Variants in GRIA4 observed in about 807,000 individuals in gnomAD.
GRIA4 encodes the protein glutamate ionotropic receptor AMPA type subunit 4.
GRIA4 carries 34 observed loss-of-function variants against 104.0 expected under a neutral mutation model. The ratio of observed to expected loss-of-function variants is 0.33; its 90% CI spans 0.25 to 0.44. The LOEUF (loss-of-function observed/expected upper bound fraction) is 0.44, where lower values mean the gene tolerates loss of function less well. Ranked by LOEUF, GRIA4 falls within the 20% of genes least tolerant of loss-of-function variation. The probability of loss-of-function intolerance (pLI) is 1.00; values close to 1 mark genes in which losing one functional copy is unlikely to be tolerated. For missense variants in GRIA4, 750 were observed against 1,096.5 expected (o/e 0.68, Z 4.46); for synonymous variants, 386 against 381.9 (o/e 1.01, Z -0.13).
chr11:105,721,625 G>A lies in GRIA4; in HGVS notation c.248-31356G>A, dbSNP rs377607021. On this transcript the variant is annotated intron_variant, in intron 3 of 16. Coordinates refer to ENST00000282499, the MANE Select transcript of GRIA4 (RefSeq NM_000829.4). ...GATTCCTGCCAAAGATCCTGCCCTAGCAGGGTTTGCAACCAAACAGAACAG... is the reference window on the plus strand; with the variant it reads ...GATTCCTGCCAAAGATCCTGCCCTAACAGGGTTTGCAACCAAACAGAACAG... Among the ~76,000 whole-genome samples, 4 of 152,278 alleles carry A rather than the reference G, an allele frequency of 2.6e-5. No individual in the cohort carries two copies. The East Asian group carries it at 7.7e-4, about 29-fold the overall frequency.
At chr11:105,904,143 A>G (rs1188894290) in intron 8 of GRIA4, among the ~76,000 whole-genome samples, 162 bp downstream of exon 8, 1 of 152,246 alleles carries the variant, frequency 6.6e-6, no homozygotes, top group Admixed American at 6.5e-5. Flanking sequence ...AATACAAGGT[A>G]GAATCTTGCT....
Position 105,903,603 on chromosome 11 carries a change from T to G in GRIA4, c.886-211T>G, listed in dbSNP as rs73542893. On this transcript the variant is annotated intron_variant, in intron 7 of 16. Coordinates refer to ENST00000282499, the MANE Select transcript of GRIA4 (RefSeq NM_000829.4). ...TATTTTTCAGAATGGTTTTTCTCCTTTTTAAGTCAGGATGATAAGATTTGG... is the reference window on the plus strand; with the variant it reads ...TATTTTTCAGAATGGTTTTTCTCCTGTTTAAGTCAGGATGATAAGATTTGG... 3.3e-3 allele frequency among the ~76,000 whole-genome samples: 501 copies of G among 150,546 alleles called. 5 individuals carry two copies. The highest frequency in any genetic ancestry group is 0.012 in the African/African-American group (480 of 39,888).
rs149459753 is a variant in GRIA4 at position 105,803,774 on chromosome 11, G to A, written c.487+50554G>A. Reference sequence around the variant, plus strand: ...CCTCAAAAATGTAGGAAAGGTGGCCGAGTTCTCAAAGTAAGCTTCTGATAT... The same window carrying A: ...CCTCAAAAATGTAGGAAAGGTGGCCAAGTTCTCAAAGTAAGCTTCTGATAT... On this transcript the variant is annotated intron_variant, in intron 4 of 16. Coordinates refer to ENST00000282499, the MANE Select transcript of GRIA4 (RefSeq NM_000829.4). Among the ~76,000 whole-genome samples the A allele has an allele frequency of 1.9e-3, 278 of 149,870 alleles. 3 individuals carry two copies. Among genetic ancestry groups the A allele is most frequent in the African/African-American group, 6.4e-3 (261 of 40,644 alleles).
chr11:105,728,584 A>T (rs1938374122), intron 3 of GRIA4, among the ~76,000 whole-genome samples: 1 of 152,164 alleles, frequency 6.6e-6, no homozygotes, highest in African/African-American at 2.4e-5. Flanking sequence ...CTTATTCTAA[A>T]ATTGACCGTA....
At chr11:105,912,339 G>T in intron 10 of GRIA4, 1 of 975,238 alleles carries the variant, frequency 1.0e-6, no homozygotes, top group African/African-American at 1.8e-5. Flanking sequence ...GAAATAAAGT[G>T]TTTTAATGTG....
rs550823480 is a variant in GRIA4 at position 105,845,533 on chromosome 11, A to G, written c.488-16491A>G. Among the ~76,000 whole-genome samples the G allele has an allele frequency of 2.4e-4, 37 of 152,222 alleles. 1 individual carries two copies. The East Asian group carries it at 7.0e-3, about 29-fold the overall frequency. The stretch of plus-strand genomic sequence containing the variant: ...TGTTGTAACCATCTTAAAAAACACA[A>G]TCTGCCCCTAGATTTGCTAATCCTG... On this transcript the variant is annotated intron_variant, in intron 4 of 16. Transcript: ENST00000282499.
At chr11:105,753,282 T>C (rs937440937) in intron 4 of GRIA4, 62 bp downstream of exon 4, 4 of 1,497,512 alleles carry the variant, frequency 2.7e-6, no homozygotes, top group Middle Eastern at 3.5e-4. Context: ...AATGGCCTTA[T>C]ATGACTTCGG....
At chr11:105,677,386 T>G (rs1952572111) in intron 3 of GRIA4, among the ~76,000 whole-genome samples, 1 of 151,842 alleles carries the variant, frequency 6.6e-6, no homozygotes. Flanking sequence ...ATTATAATTT[T>G]CCTGAACTAG....
chr11:105,945,790 T>C (rs1213156592), intron 14 of GRIA4, among the ~76,000 whole-genome samples: 1 of 152,230 alleles, frequency 6.6e-6, no homozygotes, highest in African/African-American at 2.4e-5. Flanking sequence ...AAGGCTTAGA[T>C]ACTTGCATAG....
chr11:105,661,344 T>G (rs945222234), intron 3 of GRIA4, among the ~76,000 whole-genome samples: 2 of 151,638 alleles, frequency 1.3e-5, no homozygotes, highest in African/African-American at 4.8e-5. Context: ...TTGGTTTGTT[T>G]AATGAGGTAC....
chr11:105,814,992 G>A (rs1321833015), intron 4 of GRIA4, among the ~76,000 whole-genome samples: 1 of 152,150 alleles, frequency 6.6e-6, no homozygotes, highest in Non-Finnish European at 1.5e-5. Flanking sequence ...TGGCCAGTCA[G>A]GGTCTATCCA....
chr11:105,916,055 GCGCCTGTAATCCCAGCTA>G (rs140004335), intron 10 of GRIA4, among the ~76,000 whole-genome samples: 8,715 of 152,016 alleles, frequency 0.057, 338 homozygotes, highest in Non-Finnish European at 0.081. Flanking sequence ...GTGGTGGTGT[GCGCCTGTAATCCCAGCTA>G]CTTGGGAGGC....
In GRIA4 at chr11:105,753,478, C is replaced by G. The variant is rs575549932; in HGVS notation, c.487+258C>G. On this transcript the variant is annotated intron_variant, in intron 4 of 16. Coordinates refer to ENST00000282499, the MANE Select transcript of GRIA4 (RefSeq NM_000829.4). ...TAACTATGTGAATAAGAAAAACAAA[C>G]CAAAGTGCTTTTCCTGCTCTCACAC... Among the ~76,000 whole-genome samples, 6 of 152,248 alleles carry G rather than the reference C, an allele frequency of 3.9e-5. No individual in the cohort carries two copies. The South Asian group carries it at 8.3e-4, about 21-fold the overall frequency.
At chr11:105,732,629 T>C (rs1938672256) in intron 3 of GRIA4, among the ~76,000 whole-genome samples, 1 of 152,180 alleles carries the variant, frequency 6.6e-6, no homozygotes, top group African/African-American at 2.4e-5. Context: ...CTTCTATTGA[T>C]GAAGCTAGGA....
At chr11:105,872,917 T>C (rs549930459) in intron 5 of GRIA4, among the ~76,000 whole-genome samples, 1 of 152,186 alleles carries the variant, frequency 6.6e-6, no homozygotes, top group East Asian at 1.9e-4. Flanking sequence ...ATATCTTAGA[T>C]TGAACATGGT....
intron 4 of GRIA4, among the ~76,000 whole-genome samples, chr11:105,856,527 G>A (rs1237805161): frequency 2.6e-5 from 4 of 151,986 alleles, no homozygotes; most frequent in Admixed American, 1.3e-4. Context: ...CCACACAACC[G>A]TTCCACTTAT....
At chr11:105,935,741 G>A in intron 14 of GRIA4, among the ~76,000 whole-genome samples, 1 of 151,926 alleles carries the variant, frequency 6.6e-6, no homozygotes, top group East Asian at 1.9e-4. Flanking sequence ...CAAGCTTCAG[G>A]GACTGAATTT....
At chr11:105,884,063 G>A (rs1317713733) in intron 5 of GRIA4, among the ~76,000 whole-genome samples, 3 of 152,216 alleles carry the variant, frequency 2.0e-5, no homozygotes, top group South Asian at 4.1e-4. Context: ...AAGTCAGGAA[G>A]CACCGTTTCT....
At chr11:105,799,509 G>A (rs570307618) in intron 4 of GRIA4, among the ~76,000 whole-genome samples, 12 of 152,190 alleles carry the variant, frequency 7.9e-5, no homozygotes, top group African/African-American at 2.9e-4. Flanking sequence ...AGACAGAGGA[G>A]AGACTATCTG....
Sources: allele counts gnomAD v4.1 joint callset (sites outside exome capture counted in the v4.1 genomes callset), GRCh38; gene constraint gnomAD v4.1.1; transcripts MANE v1.5; gene names NCBI Gene and HGNC (gene_info 2026-07-23, HGNC 2026-07-21).